ANO3: variants seen among roughly 807,000 people sequenced by gnomAD.
ANO3 encodes anoctamin-3.
In ANO3, 99 loss-of-function variants were observed where a neutral mutation model predicts 144.8. The observed-to-expected ratio is 0.68, with a 90% CI of 0.58 to 0.81. The LOEUF is 0.81. ANO3 is among the 30% of genes least tolerant of loss of function. ANO3 has a pLI of 0.00. For missense variants in ANO3, 905 were observed against 1,202.2 expected (o/e 0.75, Z 3.66); for synonymous variants, 414 against 392.6 (o/e 1.05, Z -0.64).
chr11:26,516,534 T>C (rs1861870777), intron 5 of ANO3, among the ~76,000 whole-genome samples: 1 of 151,954 alleles, frequency 6.6e-6, no homozygotes, highest in Admixed American at 6.6e-5. Flanking sequence ...AGATTTTTAA[T>C]TGGCTCATGA....
At chr11:26,553,175 T>C in intron 12 of ANO3, 74 bp from the exon 13 acceptor site, 1 of 1,086,316 alleles carries the variant, frequency 9.2e-7, no homozygotes, top group Non-Finnish European at 1.4e-6. Flanking sequence ...GGATTTGCTG[T>C]AGGGGCTAAG....
At position 26,407,068 on chromosome 11, in the gene ANO3, G is replaced by GTATATATATATATATA. The variant is rs760132418; in HGVS notation, c.47-34849_47-34848insATATATATATATATAT. Among the ~76,000 whole-genome samples, 517 of 96,238 alleles carry GTATATATATATATATA rather than the reference G, an allele frequency of 5.4e-3. 5 individuals carry two copies. The highest frequency in any genetic ancestry group is 8.5e-3 in the East Asian group (25 of 2,938). 63.1% of individuals were successfully genotyped at this position (96,238 alleles called of 152,430 possible). The stretch of plus-strand genomic sequence containing the variant: ...TATGGGTGTGTGTGTGTGTGTGTGT[G>GTATATATATATATATA]TGTGTGTGTATATATATATATATAT... On this transcript the variant is annotated intron_variant, in intron 1 of 26. Transcript: ENST00000256737.
chr11:26,620,556 T>C (rs1225719099), intron 17 of ANO3, among the ~76,000 whole-genome samples: 1 of 152,150 alleles, frequency 6.6e-6, no homozygotes, highest in Non-Finnish European at 1.5e-5. Flanking sequence ...TGAACTCCTT[T>C]TGGGTTTCCT....
At chr11:26,564,179 A>G (rs952823026) in intron 14 of ANO3, among the ~76,000 whole-genome samples, 1 of 151,806 alleles carries the variant, frequency 6.6e-6, no homozygotes, top group African/African-American at 2.4e-5. Context: ...TATGTATATT[A>G]GGTTTAGATA....
Position 26,531,216 on chromosome 11 carries a change from A to C in ANO3, c.749A>C (p.Tyr250Ser). 1 of 1,614,050 alleles carries C rather than the reference A, an allele frequency of 6.2e-7. No individual in the cohort carries two copies. The highest frequency in any genetic ancestry group is 8.5e-7 in the Non-Finnish European group (1 of 1,179,996). The change falls in exon 8 of 27, where the codon TAT becomes TCT. Residue 250 changes from tyrosine (Y) to serine (S), a missense_variant. Physicochemically the swap from Tyr to Ser is moderately radical, Grantham distance 144 (BLOSUM62 -2). This residue lies in a region of ANO3 where 71 missense variants were observed against 57.9 expected (regional missense o/e 1.23). Transcript: ENST00000256737. The stretch of plus-strand genomic sequence containing the variant: ...TGACTTCATTCCAGGATGCAAACTT[A>C]TTTTAGAAGAATCAAAAACTGGATG... ...RSKSMGRMQT[Y>S]FRRIKNWMAQ...
chr11:26,245,057 T>A (rs1425116766), intron 1 of ANO3, among the ~76,000 whole-genome samples: 1 of 150,296 alleles, frequency 6.7e-6, no homozygotes, highest in African/African-American at 2.4e-5. Flanking sequence ...ATTGAATTTT[T>A]AAAAAATAAT....
intron 24 of ANO3, among the ~76,000 whole-genome samples, chr11:26,651,850 A>G (rs374499993): frequency 9.8e-5 from 15 of 152,326 alleles, no homozygotes; most frequent in African/African-American, 3.6e-4. Flanking sequence ...AGTCATTATG[A>G]TGGAGATAAA....
At chr11:26,642,886 T>C (rs1016562275) in intron 22 of ANO3, among the ~76,000 whole-genome samples, 3 of 152,010 alleles carry the variant, frequency 2.0e-5, no homozygotes, top group African/African-American at 7.3e-5. Context: ...TCTCCCATCT[T>C]CCCTCTATTT....
chr11:26,286,732 A>G (rs145377235), intron 1 of ANO3, among the ~76,000 whole-genome samples: 200 of 152,292 alleles, frequency 1.3e-3, no homozygotes, highest in Middle Eastern at 6.8e-3. Context: ...TGGTCTCCAT[A>G]CAAGATAGAC....
At chr11:26,512,520 C>T (rs191596524) in intron 5 of ANO3, among the ~76,000 whole-genome samples, 3 of 152,178 alleles carry the variant, frequency 2.0e-5, no homozygotes, top group Non-Finnish European at 2.9e-5. Context: ...TTTTCTTCTG[C>T]TTTGTTTTTT....
chr11:26,385,112 A>T (rs1856688466), intron 1 of ANO3, among the ~76,000 whole-genome samples: 1 of 152,182 alleles, frequency 6.6e-6, no homozygotes, highest in South Asian at 2.1e-4. Context: ...GATACTTGGA[A>T]ATTACATGAA....
intron 23 of ANO3, 33 bp from the exon 24 acceptor site, chr11:26,647,676 T>G (rs759361446): frequency 3.8e-6 from 6 of 1,571,206 alleles, no homozygotes; most frequent in South Asian, 3.5e-5. Context: ...ATTCTTCATT[T>G]TTGTTCACCA....
At chr11:26,247,720 C>T (rs913216298) in intron 1 of ANO3, among the ~76,000 whole-genome samples, 1 of 127,112 alleles carries the variant, frequency 7.9e-6, no homozygotes, top group Admixed American at 9.2e-5. Flanking sequence ...GCTGTAGCTC[C>T]AGTCACTTTT....
chr11:26,451,372 A>G (rs1339730526), intron 3 of ANO3, among the ~76,000 whole-genome samples: 2 of 152,032 alleles, frequency 1.3e-5, no homozygotes, highest in South Asian at 2.1e-4. Context: ...AAATCGGGTC[A>G]CTCCCACCCG....
At position 26,624,867 on chromosome 11, in the gene ANO3, T is replaced by C. The variant is rs568390778; in HGVS notation, c.1873+369T>C. On this transcript the variant is annotated intron_variant, in intron 18 of 26. Coordinates refer to ENST00000256737, the MANE Select transcript of ANO3 (RefSeq NM_031418.4). ...TTAAGAGATTTACAATGAAAACCAGTACTTTACCACATCACCCATTCCTAT... is the reference window on the plus strand; with the variant it reads ...TTAAGAGATTTACAATGAAAACCAGCACTTTACCACATCACCCATTCCTAT... Among the ~76,000 whole-genome samples the C allele has an allele frequency of 4.6e-5, 7 of 152,272 alleles. No individual in the cohort carries two copies. The South Asian group carries it at 1.4e-3, about 32-fold the overall frequency.
chr11:26,201,190 A>G (rs373806391), intron 1 of ANO3, among the ~76,000 whole-genome samples: 4 of 152,150 alleles, frequency 2.6e-5, no homozygotes, highest in African/African-American at 9.7e-5. Context: ...CCAACATTTT[A>G]TCTTCTATGC....
At chr11:26,643,367 G>T in intron 23 of ANO3, 33 bp downstream of exon 23, 1 of 1,611,926 alleles carries the variant, frequency 6.2e-7, no homozygotes, top group Non-Finnish European at 8.5e-7. Context: ...TTTTTACGTT[G>T]CTAACACCAA....
At chr11:26,360,286 A>G (rs1855892959) in intron 1 of ANO3, among the ~76,000 whole-genome samples, 1 of 148,202 alleles carries the variant, frequency 6.7e-6, no homozygotes, top group African/African-American at 2.5e-5. Flanking sequence ...TTTCTTAAAT[A>G]TTCATGGATC....
intron 1 of ANO3, among the ~76,000 whole-genome samples, chr11:26,232,145 G>C (rs960092847): frequency 7.9e-5 from 12 of 152,104 alleles, no homozygotes; most frequent in African/African-American, 2.9e-4. Context: ...ATGTGGTCTG[G>C]TTGGACCTCG....
Sources: allele counts gnomAD v4.1 joint callset (sites outside exome capture counted in the v4.1 genomes callset), GRCh38; gene constraint gnomAD v4.1.1; regional missense constraint gnomAD v4.1.1; transcripts MANE v1.5; gene names NCBI Gene and HGNC (gene_info 2026-07-23, HGNC 2026-07-21).